The following SYT14 variants were observed in gnomAD, a reference collection of about 807,000 sequenced individuals.
The protein encoded by SYT14 is synaptotagmin-14.
Under a neutral mutation model 74.2 loss-of-function variants are expected in SYT14, and 32 were observed. The observed-to-expected ratio is 0.43, with a 90% CI of 0.33 to 0.58. The LOEUF is 0.58. Among genes scored for constraint, SYT14 ranks in the 20% least tolerant of loss-of-function variants. SYT14 has a pLI of 0.05. For synonymous variants in SYT14, 298 were observed against 337.7 expected, an observed-to-expected ratio of 0.88 and a Z score of 1.29; for missense variants, 791 against 981.8, an observed-to-expected ratio of 0.81 and a Z score of 2.60.
intron 5 of SYT14, among the ~76,000 whole-genome samples, chr1:210,081,730 C>T (rs1179615458): frequency 1.3e-5 from 2 of 152,132 alleles, no homozygotes; most frequent in Admixed American, 1.3e-4. Flanking sequence ...AAACTATAGC[C>T]TCAGCCTCAT....
chr1:210,097,294 T>A (rs1254648858), intron 6 of SYT14, among the ~76,000 whole-genome samples: 2 of 152,182 alleles, frequency 1.3e-5, no homozygotes, highest in Non-Finnish European at 2.9e-5. Context: ...ATGATTAAAC[T>A]GAGAGAGGAG....
chr1:210,121,836 T>C (rs1358260808), intron 7 of SYT14, among the ~76,000 whole-genome samples: 1 of 151,972 alleles, frequency 6.6e-6, no homozygotes, highest in Non-Finnish European at 1.5e-5. Context: ...TGAGTAATTA[T>C]TAAGATGACT....
At chr1:210,129,296 C>A (rs561714041) in intron 7 of SYT14, among the ~76,000 whole-genome samples, 1 of 152,300 alleles carries the variant, frequency 6.6e-6, no homozygotes, top group South Asian at 2.1e-4. Flanking sequence ...TCTTTCTACT[C>A]TCTTCCCCGA....
At chr1:210,108,353 G>A (rs2082196949) in intron 7 of SYT14, among the ~76,000 whole-genome samples, 1 of 152,188 alleles carries the variant, frequency 6.6e-6, no homozygotes, top group Admixed American at 6.5e-5. Context: ...TTTGTCAGAT[G>A]TTGATGATGG....
chr1:210,076,266 A>G (rs1394409331), intron 5 of SYT14, among the ~76,000 whole-genome samples: 2 of 152,228 alleles, frequency 1.3e-5, no homozygotes, highest in Non-Finnish European at 2.9e-5. Context: ...TGCTCTTACT[A>G]ATATAGATGC....
chr1:209,954,768 C>T (rs990911479), intron 2 of SYT14, among the ~76,000 whole-genome samples: 4 of 151,204 alleles, frequency 2.6e-5, no homozygotes, highest in South Asian at 2.1e-4. Context: ...TGCAGTGGTA[C>T]GATCTTGGCC....
At chr1:210,051,564 CA>C (rs1230197441) in intron 5 of SYT14, among the ~76,000 whole-genome samples, 2 of 152,098 alleles carry the variant, frequency 1.3e-5, no homozygotes, top group African/African-American at 2.4e-5. Flanking sequence ...TCTGGCTTAT[CA>C]TTCCTGTGTT....
At chr1:210,132,345 C>T (rs2082692438) in intron 7 of SYT14, among the ~76,000 whole-genome samples, 1 of 151,272 alleles carries the variant, frequency 6.6e-6, no homozygotes, top group Non-Finnish European at 1.5e-5. Context: ...TGCCACGTGC[C>T]ACTCCTCTGT....
chr1:210,102,124 G>C (rs1227333829), intron 7 of SYT14, among the ~76,000 whole-genome samples: 1 of 152,002 alleles, frequency 6.6e-6, no homozygotes, highest in African/African-American at 2.4e-5. Flanking sequence ...TTTAAGTTCA[G>C]GGGTACGTGT....
chr1:209,948,607 T>C (rs940292128), intron 1 of SYT14, among the ~76,000 whole-genome samples: 8 of 152,222 alleles, frequency 5.3e-5, no homozygotes, highest in Non-Finnish European at 8.8e-5. Context: ...CCTTAAAGGA[T>C]TGGAAAACAA....
chr1:210,074,821 A>G (rs1232692371), intron 5 of SYT14, among the ~76,000 whole-genome samples: 1 of 152,068 alleles, frequency 6.6e-6, no homozygotes, highest in African/African-American at 2.4e-5. Context: ...GTGTCTAGAG[A>G]TGAATGTTTA....
chr1:209,980,236 T>C (rs1269483969), intron 2 of SYT14, among the ~76,000 whole-genome samples: 1 of 152,242 alleles, frequency 6.6e-6, no homozygotes, highest in Non-Finnish European at 1.5e-5. Context: ...TTCATATGTA[T>C]GTTGGCTGCA....
chr1:209,971,495 A>G (rs1275213822), intron 2 of SYT14, among the ~76,000 whole-genome samples: 1 of 152,152 alleles, frequency 6.6e-6, no homozygotes, highest in African/African-American at 2.4e-5. Context: ...GCTTTTGTCC[A>G]GTCAGTATAA....
exon 10 of SYT14, chr1:210,162,202 C>T (rs1055527488): frequency 7.9e-5 from 34 of 430,668 alleles, no homozygotes; most frequent in African/African-American, 6.3e-4. Flanking sequence ...ATGAAATTAA[C>T]AGATAAAGTT....
At chr1:210,020,994 A>T in intron 4 of SYT14, 45 bp from the exon 4 acceptor site, 1 of 1,546,298 alleles carries the variant, frequency 6.5e-7, no homozygotes, top group Non-Finnish European at 8.9e-7. Flanking sequence ...AGGGGAGGGA[A>T]TTTTTTTTTC....
chr1:210,115,506 C>T (rs1233553078), intron 7 of SYT14, among the ~76,000 whole-genome samples: 2 of 151,346 alleles, frequency 1.3e-5, no homozygotes, highest in African/African-American at 2.5e-5. Flanking sequence ...GGAAGACTGT[C>T]TTCCAGAGTC....
At chr1:210,153,547 A>G (rs1326616233) in intron 7 of SYT14, among the ~76,000 whole-genome samples, 1 of 152,148 alleles carries the variant, frequency 6.6e-6, no homozygotes, top group Non-Finnish European at 1.5e-5. Flanking sequence ...ATAATAAATG[A>G]TATTTTAATA....
At chr1:209,981,326 T>C (rs946336329) in intron 2 of SYT14, among the ~76,000 whole-genome samples, 1 of 152,202 alleles carries the variant, frequency 6.6e-6, no homozygotes, top group African/African-American at 2.4e-5. Flanking sequence ...GTAATGAATT[T>C]TCTTAGTGCT....
chr1:210,012,078 A>T (rs955307144), intron 2 of SYT14, among the ~76,000 whole-genome samples: 1 of 152,154 alleles, frequency 6.6e-6, no homozygotes, highest in African/African-American at 2.4e-5. Context: ...AAAGAATTTC[A>T]TTCAGTTTCT....
Sources: allele counts gnomAD v4.1 joint callset (sites outside exome capture counted in the v4.1 genomes callset), GRCh38; gene constraint gnomAD v4.1.1; transcripts MANE v1.5; gene names NCBI Gene and HGNC (gene_info 2026-07-23, HGNC 2026-07-21).